The following TXK variants were observed in gnomAD, a reference collection of about 807,000 sequenced individuals.
TXK encodes TXK tyrosine kinase, also known as tyrosine-protein kinase TXK.
TXK carries 60 observed loss-of-function variants against 81.0 expected under a neutral mutation model. The ratio of observed to expected loss-of-function variants is 0.74; its 90% CI spans 0.60 to 0.92. The LOEUF is 0.92. TXK is among the 40% of genes least tolerant of loss of function. TXK has a pLI of 0.00. For synonymous variants in TXK, 203 were observed against 210.7 expected (o/e 0.96, Z 0.32); for missense variants, 581 against 638.3 (o/e 0.91, Z 0.97).
At chr4:48,094,002 T>C in intron 8 of TXK, 75 bp downstream of exon 8, 1 of 1,575,248 alleles carries the variant, frequency 6.3e-7, no homozygotes, top group Admixed American at 1.7e-5. Flanking sequence ...TCCTGTTGAG[T>C]GCCTGATACC....
intron 8 of TXK, among the ~76,000 whole-genome samples, chr4:48,092,670 A>G (rs1353667153): frequency 6.7e-6 from 1 of 149,086 alleles, no homozygotes; most frequent in African/African-American, 2.5e-5. Context: ...AAGCATGTTT[A>G]TAGGGTTAAA....
intron 13 of TXK, among the ~76,000 whole-genome samples, chr4:48,073,091 A>AC (rs1553876624): frequency 7.3e-6 from 1 of 136,958 alleles, no homozygotes; most frequent in Non-Finnish European, 1.5e-5. Context: ...CACCTGGCTA[A>AC]TTTTTTTTTT....
At chr4:48,089,896 G>A in intron 8 of TXK, 72 bp from the exon 9 acceptor site, 1 of 1,078,304 alleles carries the variant, frequency 9.3e-7, no homozygotes, top group Non-Finnish European at 1.4e-6. Flanking sequence ...TATTCTAGAA[G>A]ACAGTACCAT....
At chr4:48,086,985 G>GT (rs5858104) in intron 9 of TXK, among the ~76,000 whole-genome samples, 85,414 of 151,220 alleles carry the variant, frequency 0.56, 24,817 homozygotes, top group East Asian at 0.92. Context: ...TCCCAGTCTG[G>GT]TTTTTTTTTC....
At chr4:48,093,008 C>T (rs1023506009) in intron 8 of TXK, among the ~76,000 whole-genome samples, 1 of 152,184 alleles carries the variant, frequency 6.6e-6, no homozygotes, top group East Asian at 1.9e-4. Context: ...CCTCATCTAA[C>T]CTCATTTAAC....
At chr4:48,067,810 C>T (rs116501833) in intron 14 of TXK, 105 bp from the exon 15 acceptor site, 22 of 1,084,140 alleles carry the variant, frequency 2.0e-5, no homozygotes, top group South Asian at 2.8e-5. Context: ...TCCCACTGCT[C>T]GAGGTCATCG....
In TXK at chr4:48,067,712, A is replaced by C. The variant is rs1349069540; in HGVS notation, c.1516-7T>G. On this transcript the variant is annotated splice_polypyrimidine_tract_variant and splice_region_variant and intron_variant, in intron 14 of 14. Coordinates refer to ENST00000264316, the MANE Select transcript of TXK (RefSeq NM_003328.3). ...TAGGGCGGCCTTCAGGTTTCTGGAA[A>C]AGGGAAGTGGGGGTGGTTAGCTCAG... 3 of 1,613,692 alleles carry C rather than the reference A, an allele frequency of 1.9e-6. No homozygotes were observed. In the East Asian group the frequency reaches 6.7e-5, roughly 36 times the overall value.
intron 5 of TXK, among the ~76,000 whole-genome samples, chr4:48,105,559 A>G (rs890228903): frequency 6.6e-6 from 1 of 152,202 alleles, no homozygotes; most frequent in Non-Finnish European, 1.5e-5. Flanking sequence ...TGAGAGTTGG[A>G]AAATGACTTA....
chr4:48,099,117 T>C (rs901197144), intron 6 of TXK, among the ~76,000 whole-genome samples: 1 of 152,170 alleles, frequency 6.6e-6, no homozygotes. Context: ...GCTGATTGTA[T>C]ACTGGAAGCC....
intron 9 of TXK, among the ~76,000 whole-genome samples, chr4:48,089,111 T>C (rs775389548): frequency 3.2e-4 from 49 of 152,128 alleles, no homozygotes; most frequent in Non-Finnish European, 5.1e-4. Flanking sequence ...AGAGGAATCA[T>C]TTCCCAGGCA....
intron 7 of TXK, among the ~76,000 whole-genome samples, chr4:48,094,661 T>C (rs1717910343): frequency 6.6e-6 from 1 of 152,134 alleles, no homozygotes; most frequent in African/African-American, 2.4e-5. Context: ...CACCTCACAA[T>C]TGTCCCACTG....
intron 1 of TXK, among the ~76,000 whole-genome samples, chr4:48,126,667 A>ATT (rs142842425): frequency 1.3e-5 from 2 of 151,780 alleles, no homozygotes; most frequent in Admixed American, 6.6e-5. Flanking sequence ...TACCCGGCTA[A>ATT]TTTTTTTGGT....
intron 14 of TXK, 120 bp from the exon 15 acceptor site, chr4:48,067,825 G>T: frequency 1.0e-6 from 1 of 972,782 alleles, no homozygotes; most frequent in Admixed American, 2.5e-5. Context: ...TCATCGCCAA[G>T]GTCTGATTTT....
At position 48,095,292 on chromosome 4, in the gene TXK, A is replaced by T. The variant is rs1044185429; in HGVS notation, c.502-70T>A. The T allele has an allele frequency of 8.4e-6, 10 of 1,196,304 alleles. No individual in the cohort carries two copies. In the South Asian group the frequency reaches 1.2e-4, roughly 14 times the overall value. 74.1% of individuals were successfully genotyped at this position (1,196,304 alleles called of 1,614,324 possible). A position where few individuals can be genotyped will look rare whatever the true frequency, so the allele number is the denominator to read the frequency against. On this transcript the variant is annotated intron_variant, in intron 6 of 14. Coordinates refer to ENST00000264316, the MANE Select transcript of TXK (RefSeq NM_003328.3). Reference sequence around the variant, plus strand: ...AAGACAAACCTACAACTCAGGGATGAAAATCAAAGCTATATTGACTTACCA... The same window carrying T: ...AAGACAAACCTACAACTCAGGGATGTAAATCAAAGCTATATTGACTTACCA...
At position 48,095,869 on chromosome 4, in the gene TXK, T is replaced by C. The variant is rs150483064; in HGVS notation, c.502-647A>G. On this transcript the variant is annotated intron_variant, in intron 6 of 14. Transcript: ENST00000264316. ...TCTTTGGGAGATGCCAATAAAGCTG[T>C]AAATTGCTTTCAAAGAATCTTGAAT... 1.1e-4 allele frequency among the ~76,000 whole-genome samples: 17 copies of C among 152,384 alleles called. No homozygotes were observed. The East Asian group carries it at 2.9e-3, about 26-fold the overall frequency.
Position 48,117,657 on chromosome 4 carries a change from T to C in TXK, c.17-3255A>G, listed in dbSNP as rs184198516. Among the ~76,000 whole-genome samples, 433 of 152,344 alleles carry C rather than the reference T, an allele frequency of 2.8e-3. 2 individuals carry two copies. Among genetic ancestry groups the C allele is most frequent in the Non-Finnish European group, 3.2e-3 (218 of 68,028 alleles). ...TAAACAACAATACTCTAGTGCATTA[T>C]TAGATGAAATGGTGAGAGAGGCTGC... is the stretch of plus-strand genomic sequence containing the variant. On this transcript the variant is annotated intron_variant, in intron 1 of 14. Coordinates refer to ENST00000264316, the MANE Select transcript of TXK (RefSeq NM_003328.3).
chr4:48,095,581 T>C (rs773312556), intron 6 of TXK, among the ~76,000 whole-genome samples: 12 of 152,126 alleles, frequency 7.9e-5, no homozygotes, highest in Non-Finnish European at 1.8e-4. Flanking sequence ...GGAAGAACAC[T>C]AAGACAGACT....
chr4:48,106,100 T>C (rs186607435), intron 5 of TXK: 5 of 152,346 alleles, frequency 3.3e-5, no homozygotes, highest in Admixed American at 2.0e-4. Context: ...TAATGCTTCA[T>C]GAATTTGTGT....
chr4:48,067,803 C>G, intron 14 of TXK, 98 bp from the exon 15 acceptor site: 2 of 1,184,704 alleles, frequency 1.7e-6, no homozygotes, highest in South Asian at 2.6e-5. Context: ...ACTTATATCC[C>G]ACTGCTCGAG....
Sources: gnomAD v4.1 joint callset for allele counts (sites outside exome capture counted in the v4.1 genomes callset) on GRCh38, gnomAD v4.1.1 for gene constraint, MANE v1.5 for transcripts, NCBI Gene and HGNC (gene_info 2026-07-23, HGNC 2026-07-21) for gene names.